The following PITPNC1 variants were observed in gnomAD, a reference collection of about 807,000 sequenced individuals.
The protein encoded by PITPNC1 is phosphatidylinositol transfer protein cytoplasmic 1.
Under a neutral mutation model 44.7 loss-of-function variants are expected in PITPNC1, and 18 were observed. That is an observed-to-expected ratio of 0.40 (90% CI 0.28 to 0.60). The LOEUF (loss-of-function observed/expected upper bound fraction) is 0.60. Among genes scored for constraint, PITPNC1 ranks in the 20% least tolerant of loss-of-function variants. The pLI is 0.39. For missense variants in PITPNC1, 290 were observed against 418.4 expected, an observed-to-expected ratio of 0.69 and a Z score of 2.68; for synonymous variants, 141 against 149.6, an observed-to-expected ratio of 0.94 and a Z score of 0.42.
At chr17:67,390,888 C>T (rs552699174) in intron 1 of PITPNC1, among the ~76,000 whole-genome samples, 2 of 152,314 alleles carry the variant, frequency 1.3e-5, no homozygotes, top group African/African-American at 4.8e-5. Context: ...AGCCAGAGCT[C>T]ACCAAGATTC....
intron 5 of PITPNC1, among the ~76,000 whole-genome samples, chr17:67,585,785 A>T (rs1290465539): frequency 6.6e-6 from 1 of 152,190 alleles, no homozygotes; most frequent in African/African-American, 2.4e-5. Flanking sequence ...AGCCTGGGTG[A>T]TAGAGAGAGA....
chr17:67,459,616 TC>T (rs1429080968), intron 1 of PITPNC1: 1 of 152,194 alleles, frequency 6.6e-6, no homozygotes, highest in Non-Finnish European at 1.5e-5. Flanking sequence ...GGTGGGAGAT[TC>T]CGCCCCTACG....
At chr17:67,448,887 C>T (rs2039137743) in intron 1 of PITPNC1, among the ~76,000 whole-genome samples, 1 of 152,218 alleles carries the variant, frequency 6.6e-6, no homozygotes, top group South Asian at 2.1e-4. Flanking sequence ...CTGCCTCAGC[C>T]TCCCCAGTAG....
intron 8 of PITPNC1, chr17:67,687,180 C>G: frequency 6.6e-7 from 1 of 1,517,562 alleles, no homozygotes; most frequent in Non-Finnish European, 9.2e-7. Context: ...CATGCCCAAA[C>G]AAGTGTACGT....
chr17:67,552,877 A>G (rs2040787252), intron 3 of PITPNC1, among the ~76,000 whole-genome samples: 1 of 150,932 alleles, frequency 6.6e-6, no homozygotes, highest in African/African-American at 2.4e-5. Flanking sequence ...CAGAGGTTTT[A>G]TGATTCTTAT....
Position 67,693,719 on chromosome 17 carries a change from A to G in PITPNC1, c.*831A>G. 6.6e-6 allele frequency: 1 copy of G among 152,262 alleles called. No homozygotes were observed. Among genetic ancestry groups the G allele is most frequent in the East Asian group, 1.9e-4 (1 of 5,202 alleles). The allele number at this position is 152,262 out of a possible 1,614,324, so 9.4% of individuals were successfully genotyped here. A position where few individuals can be genotyped will look rare whatever the true frequency, so the allele number is the denominator to read the frequency against. ...GCTTCCATCATCAATTAAGATTCTCAGAATTTGCAATTAATTGAATAGAAT... is the reference window on the plus strand; with the variant it reads ...GCTTCCATCATCAATTAAGATTCTCGGAATTTGCAATTAATTGAATAGAAT... On this transcript the variant is annotated 3_prime_UTR_variant, in exon 9 of 9. Transcript: ENST00000581322.
intron 8 of PITPNC1, among the ~76,000 whole-genome samples, chr17:67,680,789 C>T (rs2042689049): frequency 6.6e-6 from 1 of 152,150 alleles, no homozygotes; most frequent in Non-Finnish European, 1.5e-5. Flanking sequence ...TAAAAAATGG[C>T]ATTTCTCAAA....
chr17:67,596,032 T>C (rs1389562681), intron 5 of PITPNC1, among the ~76,000 whole-genome samples: 5 of 152,254 alleles, frequency 3.3e-5, no homozygotes, highest in Non-Finnish European at 7.3e-5. Context: ...GACCATTTGG[T>C]GCTGAAACAT....
At chr17:67,497,558 G>T (rs1277487919) in intron 1 of PITPNC1, among the ~76,000 whole-genome samples, 12 of 136,440 alleles carry the variant, frequency 8.8e-5, no homozygotes, top group African/African-American at 3.3e-4. Flanking sequence ...TTGAGATGGG[G>T]TCTCTGTTGC....
intron 1 of PITPNC1, among the ~76,000 whole-genome samples, chr17:67,437,745 C>G (rs1004468647): frequency 9.2e-5 from 14 of 151,968 alleles, no homozygotes; most frequent in African/African-American, 3.1e-4. Context: ...AGAGGAGGTC[C>G]CTGAGAACGA....
intron 6 of PITPNC1, among the ~76,000 whole-genome samples, chr17:67,646,823 G>A (rs2042154870): frequency 6.6e-6 from 1 of 152,150 alleles, no homozygotes; most frequent in Non-Finnish European, 1.5e-5. Context: ...AGCCACCACT[G>A]CACCCAGCCA....
At chr17:67,453,269 T>A (rs1469680618) in intron 1 of PITPNC1, among the ~76,000 whole-genome samples, 2 of 152,228 alleles carry the variant, frequency 1.3e-5, no homozygotes, top group Non-Finnish European at 2.9e-5. Context: ...CTCTTCCCTT[T>A]TGTCAGTTTC....
chr17:67,469,672 G>C lies in PITPNC1; in HGVS notation c.49-63130G>C, dbSNP rs192440264. On this transcript the variant is annotated intron_variant, in intron 1 of 8. Transcript: ENST00000581322. ...ACCTCTCTGGGTCCCTCAGCTCAGA[G>C]ATTCCACTTGAGTGTAGAGAGAATT... is the stretch of plus-strand genomic sequence containing the variant. 7.9e-5 allele frequency among the ~76,000 whole-genome samples: 12 copies of C among 152,260 alleles called. No homozygotes were observed. In the East Asian group the frequency reaches 2.3e-3, roughly 29 times the overall value.
intron 1 of PITPNC1, among the ~76,000 whole-genome samples, chr17:67,397,035 C>T (rs1017101175): frequency 6.6e-6 from 1 of 152,202 alleles, no homozygotes. Context: ...GGCTGGAGTG[C>T]GATGGTGTGA....
intron 5 of PITPNC1, among the ~76,000 whole-genome samples, chr17:67,579,664 C>T (rs868352003): frequency 5.4e-5 from 7 of 129,578 alleles, no homozygotes; most frequent in African/African-American, 1.5e-4. Context: ...GCAGCCTGGG[C>T]GCGGTAGCTC....
intron 6 of PITPNC1, among the ~76,000 whole-genome samples, chr17:67,647,084 C>A (rs1474532158): frequency 2.0e-5 from 3 of 152,132 alleles, no homozygotes; most frequent in Non-Finnish European, 2.9e-5. Flanking sequence ...ACTAAATGAT[C>A]TTAGGGAAAG....
At chr17:67,541,588 G>T (rs1410972827) in intron 2 of PITPNC1, among the ~76,000 whole-genome samples, 2 of 152,088 alleles carry the variant, frequency 1.3e-5, no homozygotes, top group Non-Finnish European at 2.9e-5. Context: ...CCATGTACTT[G>T]ATAATCTTGC....
At chr17:67,483,918 CTTT>C (rs60856668) in intron 1 of PITPNC1, among the ~76,000 whole-genome samples, 3 of 111,738 alleles carry the variant, frequency 2.7e-5, no homozygotes, top group Admixed American at 8.8e-5. Flanking sequence ...CGTTTTCTTT[CTTT>C]TTTTTTTTTT....
At chr17:67,500,811 G>A (rs1404938142) in intron 1 of PITPNC1, among the ~76,000 whole-genome samples, 4 of 151,062 alleles carry the variant, frequency 2.6e-5, no homozygotes, top group African/African-American at 4.9e-5. Flanking sequence ...AGCCTCCCGA[G>A]TAGCTGGGAC....
Sources: gnomAD v4.1 joint callset for allele counts (sites outside exome capture counted in the v4.1 genomes callset) on GRCh38, gnomAD v4.1.1 for gene constraint, MANE v1.5 for transcripts, NCBI Gene and HGNC (gene_info 2026-07-23, HGNC 2026-07-21) for gene names.